The following SLC35C1 variants were observed in gnomAD, a reference collection of about 807,000 sequenced individuals.
SLC35C1 encodes the protein solute carrier family 35 member C1.
A neutral mutation model predicts 23.2 loss-of-function variants in SLC35C1; 8 were observed. That is an observed-to-expected ratio of 0.35 (90% CI 0.20 to 0.62). The LOEUF (loss-of-function observed/expected upper bound fraction) is 0.62, where lower values mean the gene tolerates loss of function less well. Ranked by LOEUF, SLC35C1 falls within the 20% of genes least tolerant of loss-of-function variation. The pLI is 0.75. For synonymous variants in SLC35C1, 226 were observed against 225.1 expected (o/e 1.00, Z -0.04); for missense variants, 422 against 478.6 (o/e 0.88, Z 1.10).
At position 45,805,955 on chromosome 11, in the gene SLC35C1, T is replaced by TAAGGA; in HGVS notation, c.154_155insAAGGA (p.Ser52Ter). On this transcript the variant is annotated stop_gained and frameshift_variant, in exon 1 of 2. Transcript: ENST00000314134. LOFTEE classifies it high-confidence loss of function. ...GGTGGTCTCCCTCTACTGGGTCACCTCCATCTCCATGGTGTTCCTTAATAA... is the reference window on the plus strand; with the variant it reads ...GGTGGTCTCCCTCTACTGGGTCACCTAAGGACCATCTCCATGGTGTTCCTTAATAA... The TAAGGA allele has an allele frequency of 6.2e-7, 1 of 1,614,158 alleles. No homozygotes were observed. The highest frequency in any genetic ancestry group is 2.2e-5 in the East Asian group (1 of 44,866).
At chr11:45,806,938 A>C (rs1457191495) in intron 1 of SLC35C1, 1 of 982,784 alleles carries the variant, frequency 1.0e-6, no homozygotes, top group Non-Finnish European at 1.2e-6. Context: ...GTAGCAAGCA[A>C]TATGCTTTGA....
At position 45,812,880 on chromosome 11, in the gene SLC35C1, A is replaced by G. The variant is rs983282489; in HGVS notation, c.*1545A>G. The G allele has an allele frequency of 6.0e-6, 2 of 333,826 alleles. No homozygotes were observed. The highest frequency in any genetic ancestry group is 1.2e-5 in the Non-Finnish European group (2 of 167,454). 20.7% of individuals were successfully genotyped at this position (333,826 alleles called of 1,614,324 possible). On this transcript the variant is annotated 3_prime_UTR_variant, in exon 2 of 2. Coordinates refer to ENST00000314134, the MANE Select transcript of SLC35C1 (RefSeq NM_018389.5). ...GGGTGATTTCTGATGTTTTTACTCT[A>G]TATAGTGAAAAGCTAGGGAGAGCGG...
Position 45,811,367 on chromosome 11 carries a change from G to A in SLC35C1, c.*32G>A, listed in dbSNP as rs769812607. 19 of 1,456,996 alleles carry A rather than the reference G, an allele frequency of 1.3e-5. No individual in the cohort carries two copies. The highest frequency in any genetic ancestry group is 5.7e-5 in the African/African-American group (4 of 70,698). 90.3% of individuals were successfully genotyped at this position (1,456,996 alleles called of 1,614,324 possible). The stretch of plus-strand genomic sequence containing the variant: ...CAGGCACCCTGGATGGCCCGGCCCC[G>A]GGGCCCGTACACAGGCGGGGCCAGC... On this transcript the variant is annotated 3_prime_UTR_variant, in exon 2 of 2. Transcript: ENST00000314134.
chr11:45,809,489 C>G (rs896900244), intron 1 of SLC35C1, among the ~76,000 whole-genome samples: 1 of 152,170 alleles, frequency 6.6e-6, no homozygotes, highest in Non-Finnish European at 1.5e-5. Flanking sequence ...GGTGCAGGTC[C>G]TAAGAGCTGT....
chr11:45,808,726 G>A (rs549420783), intron 1 of SLC35C1, among the ~76,000 whole-genome samples: 1 of 152,274 alleles, frequency 6.6e-6, no homozygotes, highest in East Asian at 1.9e-4. Flanking sequence ...GGTTGGGCTG[G>A]GCATGGTGGC....
chr11:45,811,410 C>A lies in SLC35C1; in HGVS notation c.*75C>A. ...GGGCCAGCACAGTAGTGAAGGCGGT[C>A]TCCTGGACCCCAGAAGCGTGCTGTG... On this transcript the variant is annotated 3_prime_UTR_variant, in exon 2 of 2. Coordinates refer to ENST00000314134, the MANE Select transcript of SLC35C1 (RefSeq NM_018389.5). 2 of 1,264,766 alleles carry A rather than the reference C, an allele frequency of 1.6e-6. No homozygotes were observed. The highest frequency in any genetic ancestry group is 1.6e-5 in the South Asian group (1 of 62,922). The allele number at this position is 1,264,766 out of a possible 1,614,324, so 78.3% of individuals were successfully genotyped here. A position where few individuals can be genotyped will look rare whatever the true frequency, so the allele number is the denominator to read the frequency against.
chr11:45,804,177 G>C (rs1276740629), upstream of SLC35C1: 1 of 152,422 alleles, frequency 6.6e-6, no homozygotes, highest in African/African-American at 2.4e-5. Context: ...GGTCCCGGGC[G>C]GGCGGGGGTA....
At position 45,805,680 on chromosome 11, in the gene SLC35C1, G is replaced by A; in HGVS notation, c.-122G>A. 1 of 1,571,222 alleles carries A rather than the reference G, an allele frequency of 6.4e-7. No homozygotes were observed. Among genetic ancestry groups the A allele is most frequent in the Non-Finnish European group, 8.6e-7 (1 of 1,165,880 alleles). On this transcript the variant is annotated 5_prime_UTR_variant, in exon 1 of 2. Coordinates refer to ENST00000314134, the MANE Select transcript of SLC35C1 (RefSeq NM_018389.5). ...ATGAGGACAATGGGGAGGCCTTTAG[G>A]CCAGCCCACATGTGACAATGGAGGG...
chr11:45,807,500 G>T (rs891785214), intron 1 of SLC35C1, among the ~76,000 whole-genome samples: 3 of 152,044 alleles, frequency 2.0e-5, no homozygotes, highest in Non-Finnish European at 4.4e-5. Flanking sequence ...CCAGGGCTGC[G>T]TCATCTAGGA....
rs777289545 is a variant in SLC35C1, at chr11:45,806,271, T to C, written c.470T>C (p.Leu157Pro). 2 of 1,611,742 alleles carry C rather than the reference T, an allele frequency of 1.2e-6. No individual in the cohort carries two copies. Among genetic ancestry groups the C allele is most frequent in the Non-Finnish European group, 1.7e-6 (2 of 1,180,004 alleles). The change falls in exon 1 of 2, where the codon CTC (leucine) becomes CCC (proline). Residue 157 changes from leucine (L) to proline (P), a missense_variant. Physicochemically the swap from Leu to Pro is moderately conservative, Grantham distance 98 (BLOSUM62 -3). Transcript: ENST00000314134. Reference sequence around the variant, plus strand: ...CTCACCACCGTCTTCAACGTGCTGCTCTCCTACCTGCTGCTCAAGCAGACC... The same window carrying C: ...CTCACCACCGTCTTCAACGTGCTGCCCTCCTACCTGCTGCTCAAGCAGACC... Reference protein sequence around the residue: ...RSLTTVFNVLLSYLLLKQTTS... With the variant: ...RSLTTVFNVLPSYLLLKQTTS...
At chr11:45,806,611 G>T (rs887323530) in intron 1 of SLC35C1, among the ~76,000 whole-genome samples, 1 of 152,178 alleles carries the variant, frequency 6.6e-6, no homozygotes, top group Non-Finnish European at 1.5e-5. Context: ...AATGTGCCAG[G>T]CACATGGATC....
At chr11:45,807,317 C>T (rs1189964959) in intron 1 of SLC35C1, among the ~76,000 whole-genome samples, 2 of 152,228 alleles carry the variant, frequency 1.3e-5, no homozygotes, top group African/African-American at 4.8e-5. Flanking sequence ...TAAACATTCA[C>T]TTCCTCATTT....
At position 45,810,962 on chromosome 11, in the gene SLC35C1, T is replaced by G; in HGVS notation, c.722T>G (p.Leu241Arg). Residue 241 changes from leucine to arginine, a missense_variant, in exon 2 of 2, where the codon CTC becomes CGC. By Grantham distance (102) the Leu-to-Arg change is moderately radical. Transcript: ENST00000314134. Reference sequence around the variant, plus strand: ...TACAACAACGTCAACGCCTGCATCCTCTTCCTGCCCCTGCTCCTGCTGCTC... The same window carrying G: ...TACAACAACGTCAACGCCTGCATCCGCTTCCTGCCCCTGCTCCTGCTGCTC... ...TFYNNVNACILFLPLLLLLGE... is the reference protein window; with the variant it reads ...TFYNNVNACIRFLPLLLLLGE... 1.2e-6 allele frequency: 2 copies of G among 1,612,944 alleles called. No homozygotes were observed. The highest frequency in any genetic ancestry group is 1.7e-6 in the Non-Finnish European group (2 of 1,180,038).
chr11:45,807,188 G>T (rs2085886787), intron 1 of SLC35C1, among the ~76,000 whole-genome samples: 1 of 152,186 alleles, frequency 6.6e-6, no homozygotes, highest in South Asian at 2.1e-4. Flanking sequence ...AACCCAGATT[G>T]GCCAGACTCC....
chr11:45,805,844 G>C lies in SLC35C1; in HGVS notation c.43G>C (p.Ala15Pro). Residue 15 changes from alanine to proline, a missense_variant, in exon 1 of 2, where the codon GCG (alanine) becomes CCG (proline). By Grantham distance (27) the Ala-to-Pro change is conservative. Coordinates refer to ENST00000314134, the MANE Select transcript of SLC35C1 (RefSeq NM_018389.5). ...GAAGCGGTCCAGGATCCTGCACATG[G>C]CGCTGACCGGGGCCTCAGACCCCTC... ...PLKRSRILHM[A>P]LTGASDPSAE... 6.2e-7 allele frequency: 1 copy of C among 1,614,052 alleles called. No individual in the cohort carries two copies. The highest frequency in any genetic ancestry group is 8.5e-7 in the Non-Finnish European group (1 of 1,180,036).
At chr11:45,804,600 T>C (rs1334466471), upstream of SLC35C1, 7 of 985,562 alleles carry the variant, frequency 7.1e-6, no homozygotes, top group Non-Finnish European at 8.4e-6. Flanking sequence ...GAGGACAAAC[T>C]GAAGTCCGAG....
In SLC35C1 at chr11:45,806,150, G is replaced by A. The variant is rs1480713180; in HGVS notation, c.349G>A (p.Val117Ile). ...LRLDLRVARS[V>I]LPLSVVFIGM... ...CCTGGACCTCAGGGTGGCCCGCAGC[G>A]TCCTGCCCCTGTCGGTGGTCTTCAT... The change falls in exon 1 of 2, where the codon GTC (valine) becomes ATC (isoleucine). Residue 117 changes from valine (V) to isoleucine (I), a missense_variant. Transcript: ENST00000314134. The A allele has an allele frequency of 1.9e-6, 3 of 1,606,822 alleles. No individual in the cohort carries two copies. Among genetic ancestry groups the A allele is most frequent in the Non-Finnish European group, 1.7e-6 (2 of 1,179,954 alleles).
At position 45,812,358 on chromosome 11, in the gene SLC35C1, T is replaced by C. The variant is rs928458695; in HGVS notation, c.*1023T>C. 1 of 360,040 alleles carries C rather than the reference T, an allele frequency of 2.8e-6. No homozygotes were observed. The highest frequency in any genetic ancestry group is 2.1e-5 in the African/African-American group (1 of 46,932). The allele number at this position is 360,040 out of a possible 1,614,324, so 22.3% of individuals were successfully genotyped here. A position where few individuals can be genotyped will look rare whatever the true frequency, so the allele number is the denominator to read the frequency against. On this transcript the variant is annotated 3_prime_UTR_variant, in exon 2 of 2. Transcript: ENST00000314134. ...TGGTAAGACACCAACCTTTACATTC[T>C]TCCCTGAGGTTGTGGCTGACAGAGC...
In SLC35C1 at chr11:45,811,623, A is replaced by C. The variant is rs2085949422; in HGVS notation, c.*288A>C. 2.9e-6 allele frequency: 1 copy of C among 349,896 alleles called. No individual in the cohort carries two copies. Among genetic ancestry groups the C allele is most frequent in the Admixed American group, 4.3e-5 (1 of 23,202 alleles). The allele number at this position is 349,896 out of a possible 1,614,324, so 21.7% of individuals were successfully genotyped here. On this transcript the variant is annotated 3_prime_UTR_variant, in exon 2 of 2. Coordinates refer to ENST00000314134, the MANE Select transcript of SLC35C1 (RefSeq NM_018389.5). ...CTTCCCGAGGGAGCACCCTAGTGAG[A>C]GTTGAACCCCTTCCTTCTGCCTCCA...
Sources: allele counts gnomAD v4.1 joint callset (sites outside exome capture counted in the v4.1 genomes callset), GRCh38; gene constraint gnomAD v4.1.1; transcripts MANE v1.5; gene names NCBI Gene and HGNC (gene_info 2026-07-23, HGNC 2026-07-21).